TANK: variants seen among roughly 807,000 people sequenced by gnomAD.
TANK encodes the protein TRAF family member-associated NF-kappa-B activator.
Under a neutral mutation model 43.6 loss-of-function variants are expected in TANK, and 15 were observed. The ratio of observed to expected loss-of-function variants is 0.34; its 90% CI spans 0.23 to 0.53. The LOEUF (loss-of-function observed/expected upper bound fraction) is 0.53. Ranked by LOEUF, TANK falls within the 20% of genes least tolerant of loss-of-function variation. The pLI, the probability that TANK is intolerant of heterozygous loss-of-function variation, is 0.94. For synonymous variants in TANK, 162 were observed against 178.2 expected, an observed-to-expected ratio of 0.91 and a Z score of 0.73; for missense variants, 417 against 498.6, an observed-to-expected ratio of 0.84 and a Z score of 1.56.
intron 1 of TANK, chr2:161,160,840 C>CA: frequency 1.9e-6 from 1 of 524,820 alleles, no homozygotes. Context: ...GTGGACCCTC[C>CA]AGGAACATTC....
chr2:161,161,435 A>G (rs533178227), intron 1 of TANK: 2 of 1,550,420 alleles, frequency 1.3e-6, no homozygotes, highest in Non-Finnish European at 1.7e-6. Flanking sequence ...CAAGCAGTGC[A>G]TTCTGTTAAA....
At chr2:161,180,786 G>A (rs1685384172) in intron 2 of TANK, among the ~76,000 whole-genome samples, 1 of 152,068 alleles carries the variant, frequency 6.6e-6, no homozygotes, top group Non-Finnish European at 1.5e-5. Context: ...AAAGACATCA[G>A]GAGGAGTCTA....
At chr2:161,201,264 T>C (rs1686399690) in intron 2 of TANK, 1 of 944,892 alleles carries the variant, frequency 1.1e-6, no homozygotes, top group Non-Finnish European at 1.3e-6. Context: ...TTAATTTTTC[T>C]TAGCTATTGA....
rs542275861 is a variant in TANK, at chr2:161,235,710, A to G, written c.*192A>G. ...GATCATTCTGTTCTTTCAAGGAGAA[A>G]TAAGCCTAAAAGAAGAAAAACAAAA... On this transcript the variant is annotated 3_prime_UTR_variant, in exon 8 of 8. Transcript: ENST00000392749. 16 of 458,570 alleles carry G rather than the reference A, an allele frequency of 3.5e-5. No individual in the cohort carries two copies. The highest frequency in any genetic ancestry group is 3.1e-4 in the African/African-American group (15 of 48,574). The allele number at this position is 458,570 out of a possible 1,614,324, so 28.4% of individuals were successfully genotyped here. A position where few individuals can be genotyped will look rare whatever the true frequency, so the allele number is the denominator to read the frequency against.
chr2:161,157,382 G>A (rs1333958492), upstream of TANK, among the ~76,000 whole-genome samples: 1 of 152,180 alleles, frequency 6.6e-6, no homozygotes, highest in East Asian at 1.9e-4. Flanking sequence ...AGCACAGCCT[G>A]CTCAACCATA....
chr2:161,161,141 G>T (rs1407841787), intron 1 of TANK: 23 of 1,368,486 alleles, frequency 1.7e-5, no homozygotes, highest in Non-Finnish European at 2.0e-5. Flanking sequence ...GACTAGCAAC[G>T]AGTTACAGGC....
Position 161,163,653 on chromosome 2 carries a change from A to C in TANK, c.-50+3167A>C, listed in dbSNP as rs556083224. ...CCCAATTTTGCCGGGAAATTTCTTA[A>C]TTTAAAGGTAATAACCAAGCTGACA... On this transcript the variant is annotated intron_variant, in intron 1 of 7. Transcript: ENST00000392749. 10 of 152,312 alleles carry C rather than the reference A, an allele frequency of 6.6e-5. No individual in the cohort carries two copies. The South Asian group carries it at 1.0e-3, about 16-fold the overall frequency. 9.4% of individuals were successfully genotyped at this position (152,312 alleles called of 1,614,324 possible).
Position 161,235,609 on chromosome 2 carries a change from C to T in TANK, c.*91C>T. On this transcript the variant is annotated 3_prime_UTR_variant, in exon 8 of 8. Coordinates refer to ENST00000392749, the MANE Select transcript of TANK (RefSeq NM_001199135.3). ...CTTGATTGTAAACTAAATTCAAGAT[C>T]ATTTATAGGAAAATCTAGTTTCACA... is the stretch of plus-strand genomic sequence containing the variant. The T allele has an allele frequency of 1.9e-6, 2 of 1,045,814 alleles. No individual in the cohort carries two copies. The highest frequency in any genetic ancestry group is 2.9e-5 in the East Asian group (1 of 34,754). 64.8% of individuals were successfully genotyped at this position (1,045,814 alleles called of 1,614,324 possible).
chr2:161,167,105 A>G (rs1057160778), intron 1 of TANK, among the ~76,000 whole-genome samples: 1 of 152,272 alleles, frequency 6.6e-6, no homozygotes, highest in Non-Finnish European at 1.5e-5. Context: ...GGGGAAACCC[A>G]GCAGAGGGGC....
At chr2:161,151,250 T>A (rs1057502015) in intron 1 of TANK, among the ~76,000 whole-genome samples, 4 of 152,152 alleles carry the variant, frequency 2.6e-5, no homozygotes, top group African/African-American at 9.7e-5. Flanking sequence ...ATATTCAGCT[T>A]TTTTGGGGTG....
At chr2:161,151,506 G>A (rs1003395999) in intron 1 of TANK, among the ~76,000 whole-genome samples, 1 of 151,590 alleles carries the variant, frequency 6.6e-6, no homozygotes, top group Non-Finnish European at 1.5e-5. Context: ...TTATCTTTTT[G>A]TCAATACATA....
chr2:161,214,512 G>GT (rs1380161420), intron 4 of TANK, among the ~76,000 whole-genome samples: 7 of 48,870 alleles, frequency 1.4e-4, no homozygotes, highest in African/African-American at 2.8e-4. Flanking sequence ...TTTTTTTGCT[G>GT]GTTTTTTTTT....
In TANK at chr2:161,179,670, A is replaced by C. The variant is rs1366748226; in HGVS notation, c.8A>C (p.Lys3Thr). The change falls in exon 2 of 8, where the codon AAA (lysine) becomes ACA (threonine). Residue 3 changes from lysine (K) to threonine (T), a missense_variant. Lys to Thr is a moderately conservative substitution (Grantham distance 78). Coordinates refer to ENST00000392749, the MANE Select transcript of TANK (RefSeq NM_001199135.3). ...GCTACAGGACGAAGAGGAATGGATA[A>C]AAACATTGGCGAGCAACTCAATAAA... MD[K>T]NIGEQLNKAY... The C allele has an allele frequency of 1.2e-6, 2 of 1,613,188 alleles. No individual in the cohort carries two copies. Among genetic ancestry groups the C allele is most frequent in the Non-Finnish European group, 1.7e-6 (2 of 1,179,568 alleles).
intron 4 of TANK, among the ~76,000 whole-genome samples, chr2:161,222,315 C>T (rs1053859595): frequency 4.6e-5 from 7 of 151,954 alleles, no homozygotes; most frequent in African/African-American, 1.7e-4. Flanking sequence ...TGCAGTGGTA[C>T]AATCTTGGCT....
rs546701147 is a variant in TANK at position 161,219,208 on chromosome 2, A to G, written c.328-4707A>G. Among the ~76,000 whole-genome samples the G allele has an allele frequency of 5.3e-5, 8 of 152,370 alleles. No homozygotes were observed. In the East Asian group the frequency reaches 1.5e-3, roughly 29 times the overall value. ...TACAGTAATTGTGGCAGTACTGGCA[A>G]AGGATTTTACCTTTTCTGAACAATA... On this transcript the variant is annotated intron_variant, in intron 4 of 7. Transcript: ENST00000392749.
At chr2:161,145,529 G>A (rs909608986) in intron 1 of TANK, among the ~76,000 whole-genome samples, 2 of 151,808 alleles carry the variant, frequency 1.3e-5, no homozygotes, top group African/African-American at 2.4e-5. Context: ...AGACAGGCCA[G>A]GTAGTGATGA....
At chr2:161,140,600 C>A (rs1683718836) in intron 1 of TANK, among the ~76,000 whole-genome samples, 1 of 151,548 alleles carries the variant, frequency 6.6e-6, no homozygotes, top group African/African-American at 2.4e-5. Context: ...CTTTTTTAGA[C>A]TATTTTAGTT....
At chr2:161,235,128 G>T (rs1243261880) in intron 7 of TANK, among the ~76,000 whole-genome samples, 1 of 152,156 alleles carries the variant, frequency 6.6e-6, no homozygotes. Flanking sequence ...GACTGTGTGT[G>T]TCCCAAGTGA....
At position 161,204,688 on chromosome 2, in the gene TANK, C is replaced by G. The variant is rs1052830698; in HGVS notation, c.222C>G (p.Gly74=). 1 of 1,609,120 alleles carries G rather than the reference C, an allele frequency of 6.2e-7. No homozygotes were observed. The highest frequency in any genetic ancestry group is 1.3e-5 in the African/African-American group (1 of 74,354). The stretch of plus-strand genomic sequence containing the variant: ...TTTGTCTTGCAGATAACAATTATGG[C>G]TGTGTTCCTCTGCTTGAAGACAGTG... The part of the protein sequence containing the change: ...LVNSTQDNNY[G]CVPLLEDSET... Residue 74 remains glycine (G), a synonymous_variant, in exon 4 of 8, where the codon GGC becomes GGG. Transcript: ENST00000392749.
Sources: allele counts gnomAD v4.1 joint callset (sites outside exome capture counted in the v4.1 genomes callset), GRCh38; gene constraint gnomAD v4.1.1; transcripts MANE v1.5; gene names NCBI Gene and HGNC (gene_info 2026-07-23, HGNC 2026-07-21).